Variants in SNTG1 observed in about 807,000 individuals in gnomAD.
SNTG1 encodes the protein gamma-1-syntrophin.
Under a neutral mutation model 74.7 loss-of-function variants are expected in SNTG1, and 39 were observed. That is an observed-to-expected ratio of 0.52 (90% CI 0.40 to 0.68). The LOEUF (loss-of-function observed/expected upper bound fraction) is 0.68. Among genes scored for constraint, SNTG1 ranks in the 30% least tolerant of loss-of-function variants. The probability of loss-of-function intolerance (pLI) is 0.00; values close to 1 mark genes in which losing one functional copy is unlikely to be tolerated. For synonymous variants in SNTG1, 254 were observed against 217.1 expected (o/e 1.17, Z -1.49); for missense variants, 685 against 609.5 (o/e 1.12, Z -1.30).
intron 2 of SNTG1, among the ~76,000 whole-genome samples, chr8:50,225,606 A>G (rs1001467663): frequency 3.3e-5 from 5 of 152,194 alleles, no homozygotes; most frequent in African/African-American, 1.2e-4. Context: ...AGGATCTCCT[A>G]ACTCATATTT....
In SNTG1 at chr8:49,938,874, A is replaced by T. The variant is rs552862871; in HGVS notation, c.-103+26643A>T. Among the ~76,000 whole-genome samples, 85 of 151,978 alleles carry T rather than the reference A, an allele frequency of 5.6e-4. 2 individuals carry two copies. The South Asian group carries it at 0.017, about 31-fold the overall frequency. On this transcript the variant is annotated intron_variant, in intron 1 of 18. Transcript: ENST00000642720. Reference sequence around the variant, plus strand: ...TTCCTTCAGCATTATGTTTGTTGGAAATCTCACCATGTTGTTTCTGAAGCT... The same window carrying T: ...TTCCTTCAGCATTATGTTTGTTGGATATCTCACCATGTTGTTTCTGAAGCT...
chr8:50,406,028 G>A (rs1256169637), intron 4 of SNTG1, among the ~76,000 whole-genome samples: 3 of 151,786 alleles, frequency 2.0e-5, no homozygotes, highest in Admixed American at 6.6e-5. Flanking sequence ...AGCTAATTTG[G>A]GTTCCTTAAG....
intron 1 of SNTG1, among the ~76,000 whole-genome samples, chr8:50,060,659 T>C (rs1256109664): frequency 6.6e-6 from 1 of 152,074 alleles, no homozygotes; most frequent in African/African-American, 2.4e-5. Context: ...GGTTTCTCAC[T>C]ATTAGGCCTT....
intron 3 of SNTG1, among the ~76,000 whole-genome samples, chr8:50,395,302 A>T (rs2092712682): frequency 6.6e-6 from 1 of 152,106 alleles, no homozygotes; most frequent in Non-Finnish European, 1.5e-5. Flanking sequence ...AACATTTTAA[A>T]CATATCTCTA....
chr8:50,719,381 G>A (rs2095482356), intron 17 of SNTG1, among the ~76,000 whole-genome samples: 2 of 152,116 alleles, frequency 1.3e-5, no homozygotes, highest in Non-Finnish European at 2.9e-5. Flanking sequence ...GCAGCAACAA[G>A]GCACTATTTT....
At chr8:50,280,584 G>A (rs75926954) in intron 2 of SNTG1, among the ~76,000 whole-genome samples, 6,723 of 152,210 alleles carry the variant, frequency 0.044, 189 homozygotes, top group Middle Eastern at 0.092. Context: ...GTACACAAGC[G>A]TTCAGTCTGA....
In SNTG1 at chr8:50,716,796, G is replaced by A. The variant is rs572757383; in HGVS notation, c.1284+7818G>A. ...CGCCCAGGCTGGAGTGCAGTGGCGCGATCTCAGCTCACTGCAAGCTCCACC... is the reference window on the plus strand; with the variant it reads ...CGCCCAGGCTGGAGTGCAGTGGCGCAATCTCAGCTCACTGCAAGCTCCACC... On this transcript the variant is annotated intron_variant, in intron 17 of 18. Coordinates refer to ENST00000642720, the MANE Select transcript of SNTG1 (RefSeq NM_018967.5). 6.0e-5 allele frequency among the ~76,000 whole-genome samples: 9 copies of A among 150,758 alleles called. No individual in the cohort carries two copies. In the South Asian group the frequency reaches 1.9e-3, roughly 32 times the overall value.
chr8:50,507,284 T>C (rs924529533), intron 9 of SNTG1, among the ~76,000 whole-genome samples: 1 of 152,082 alleles, frequency 6.6e-6, no homozygotes, highest in Non-Finnish European at 1.5e-5. Flanking sequence ...TATTGGTTTG[T>C]AGTTTTATTT....
chr8:50,160,227 C>G (rs1271835400), intron 1 of SNTG1, among the ~76,000 whole-genome samples: 1 of 152,064 alleles, frequency 6.6e-6, no homozygotes, highest in African/African-American at 2.4e-5. Flanking sequence ...TCACCTGGAG[C>G]CTTATGGAAT....
chr8:50,152,185 T>C (rs2131544498), intron 1 of SNTG1, among the ~76,000 whole-genome samples: 1 of 152,316 alleles, frequency 6.6e-6, no homozygotes, highest in South Asian at 2.1e-4. Flanking sequence ...TCTTTTGATC[T>C]TTGTTGGTTT....
intron 1 of SNTG1, among the ~76,000 whole-genome samples, chr8:50,070,648 TG>T (rs1263441322): frequency 1.3e-5 from 2 of 152,104 alleles, no homozygotes; most frequent in African/African-American, 4.8e-5. Flanking sequence ...CAAAAAGAAA[TG>T]ATTTCAATTC....
intron 8 of SNTG1, among the ~76,000 whole-genome samples, chr8:50,468,453 A>G (rs936444722): frequency 5.3e-5 from 8 of 152,158 alleles, no homozygotes; most frequent in South Asian, 2.1e-4. Context: ...TAATTAATAT[A>G]TCTCCTCCAG....
intron 1 of SNTG1, among the ~76,000 whole-genome samples, chr8:50,137,393 A>G (rs2081508721): frequency 1.3e-5 from 2 of 152,150 alleles, no homozygotes; most frequent in Admixed American, 6.5e-5. Context: ...GCCTGTAGTC[A>G]ACTTTCCATC....
At chr8:50,684,364 T>C (rs867441703) in intron 15 of SNTG1, among the ~76,000 whole-genome samples, 2 of 152,206 alleles carry the variant, frequency 1.3e-5, no homozygotes, top group South Asian at 4.1e-4. Context: ...TTAATCTCAC[T>C]AAGCAATTTT....
At chr8:50,679,415 C>G (rs1168919200) in intron 15 of SNTG1, among the ~76,000 whole-genome samples, 2 of 152,022 alleles carry the variant, frequency 1.3e-5, no homozygotes, top group Non-Finnish European at 2.9e-5. Context: ...TCTTCAGAAT[C>G]CTTACCTTTA....
At chr8:50,590,344 G>A (rs910017171) in intron 12 of SNTG1, among the ~76,000 whole-genome samples, 2 of 152,064 alleles carry the variant, frequency 1.3e-5, no homozygotes, top group African/African-American at 4.8e-5. Context: ...TATGACAGAG[G>A]AAATGCTTTC....
At chr8:50,612,345 G>T (rs556875971) in intron 13 of SNTG1, among the ~76,000 whole-genome samples, 3 of 152,026 alleles carry the variant, frequency 2.0e-5, no homozygotes, top group Admixed American at 6.5e-5. Flanking sequence ...TAGAATCCTT[G>T]ACTACTATAT....
intron 2 of SNTG1, among the ~76,000 whole-genome samples, chr8:50,313,060 G>A (rs1292147934): frequency 6.7e-6 from 1 of 149,602 alleles, no homozygotes; most frequent in African/African-American, 2.5e-5. Context: ...AGCACACATG[G>A]GGAAAGGACA....
intron 15 of SNTG1, 153 bp from the exon 16 acceptor site, chr8:50,704,447 G>T: frequency 1.1e-6 from 1 of 892,108 alleles, no homozygotes; most frequent in Non-Finnish European, 1.8e-6. Context: ...TTTGAAGCCC[G>T]GAGTTCTGGT....
Sources: allele counts gnomAD v4.1 joint callset (sites outside exome capture counted in the v4.1 genomes callset), GRCh38; gene constraint gnomAD v4.1.1; transcripts MANE v1.5; gene names NCBI Gene and HGNC (gene_info 2026-07-23, HGNC 2026-07-21).